The following TMEM132D variants were observed in gnomAD, a reference collection of about 807,000 sequenced individuals.
TMEM132D encodes the protein mature OL transmembrane protein.
TMEM132D carries 21 observed loss-of-function variants against 62.3 expected under a neutral mutation model. The observed-to-expected ratio is 0.34, with a 90% CI of 0.24 to 0.49. The LOEUF (loss-of-function observed/expected upper bound fraction) is 0.49, where lower values mean the gene tolerates loss of function less well. TMEM132D is among the 20% of genes least tolerant of loss of function. The pLI is 0.99. For missense variants in TMEM132D, 1,346 were observed against 1,402.8 expected, an observed-to-expected ratio of 0.96 and a Z score of 0.65; for synonymous variants, 621 against 575.6, an observed-to-expected ratio of 1.08 and a Z score of -1.13.
At chr12:129,165,692 C>CA (rs1877526405) in intron 5 of TMEM132D, among the ~76,000 whole-genome samples, 1 of 35,696 alleles carries the variant, frequency 2.8e-5, no homozygotes, top group South Asian at 7.6e-4. Flanking sequence ...TTTTTTTTTT[C>CA]CCCTACAAAA....
chr12:129,634,686 G>A (rs113603814), intron 2 of TMEM132D, among the ~76,000 whole-genome samples: 4 of 152,134 alleles, frequency 2.6e-5, no homozygotes, highest in African/African-American at 9.6e-5. Context: ...ATGAAACGTT[G>A]GCAGGTCAGA....
chr12:129,813,611 GATATAT>G (rs3046846), intron 1 of TMEM132D, among the ~76,000 whole-genome samples: 7 of 136,682 alleles, frequency 5.1e-5, no homozygotes, highest in East Asian at 5.4e-4. Flanking sequence ...CAGAAAATGT[GATATAT>G]ATATATATAT....
intron 7 of TMEM132D, among the ~76,000 whole-genome samples, chr12:129,080,559 C>CAATCT (rs1375354029): frequency 6.6e-6 from 1 of 152,222 alleles, no homozygotes; most frequent in African/African-American, 2.4e-5. Flanking sequence ...TTCCACGATC[C>CAATCT]AATCTAGTCT....
intron 3 of TMEM132D, among the ~76,000 whole-genome samples, chr12:129,489,344 G>A (rs1352673949): frequency 6.6e-6 from 1 of 152,182 alleles, no homozygotes; most frequent in African/African-American, 2.4e-5. Context: ...AATCTATGGG[G>A]TCTGGGGAAT....
At chr12:129,260,776 C>A (rs998364267) in intron 4 of TMEM132D, among the ~76,000 whole-genome samples, 1 of 151,302 alleles carries the variant, frequency 6.6e-6, no homozygotes, top group African/African-American at 2.4e-5. Flanking sequence ...TTTGGTTTTC[C>A]ATTTCTGAGC....
At chr12:129,086,070 A>G (rs1458345216) in intron 5 of TMEM132D, 3 of 152,218 alleles carry the variant, frequency 2.0e-5, no homozygotes, top group Non-Finnish European at 4.4e-5. Context: ...ACTGGCAAAT[A>G]AGTACTTGGC....
chr12:129,121,069 A>G (rs1188840976), intron 5 of TMEM132D, among the ~76,000 whole-genome samples: 1 of 151,876 alleles, frequency 6.6e-6, no homozygotes, highest in Admixed American at 6.6e-5. Context: ...TTTACTAATC[A>G]GCTGATTTTA....
At chr12:129,854,019 G>A (rs1873632332) in intron 1 of TMEM132D, among the ~76,000 whole-genome samples, 2 of 152,146 alleles carry the variant, frequency 1.3e-5, no homozygotes, top group Non-Finnish European at 2.9e-5. Flanking sequence ...CACCTTGGGG[G>A]GATGGGCCTC....
intron 2 of TMEM132D, among the ~76,000 whole-genome samples, chr12:129,671,397 A>G (rs1245400937): frequency 2.6e-5 from 4 of 152,258 alleles, no homozygotes; most frequent in African/African-American, 7.2e-5. Context: ...AAATGAAGGT[A>G]GATACATTTA....
At chr12:129,679,581 T>G (rs1433612865) in intron 2 of TMEM132D, among the ~76,000 whole-genome samples, 1 of 152,136 alleles carries the variant, frequency 6.6e-6, no homozygotes, top group African/African-American at 2.4e-5. Context: ...TTTGCCTTTT[T>G]GCTTAAATTA....
At chr12:129,451,180 CT>C (rs1321005290) in intron 3 of TMEM132D, among the ~76,000 whole-genome samples, 3 of 152,124 alleles carry the variant, frequency 2.0e-5, no homozygotes, top group Non-Finnish European at 4.4e-5. Flanking sequence ...AATTCATGGG[CT>C]TCCTACAATG....
intron 2 of TMEM132D, among the ~76,000 whole-genome samples, chr12:129,633,160 A>G (rs1457087785): frequency 6.6e-6 from 1 of 152,202 alleles, no homozygotes; most frequent in Non-Finnish European, 1.5e-5. Flanking sequence ...TTCATGTACA[A>G]AGAGACAAAC....
chr12:129,778,899 C>G (rs1032283583), intron 1 of TMEM132D, among the ~76,000 whole-genome samples: 1 of 152,160 alleles, frequency 6.6e-6, no homozygotes, highest in African/African-American at 2.4e-5. Context: ...TGGCAACAGA[C>G]ACTGGGTTTG....
chr12:129,422,664 G>A (rs1872362448), intron 3 of TMEM132D, among the ~76,000 whole-genome samples: 1 of 151,910 alleles, frequency 6.6e-6, no homozygotes. Flanking sequence ...CATATTCTTT[G>A]AGCCATAAAT....
At chr12:129,225,290 C>T (rs1475289735) in intron 4 of TMEM132D, among the ~76,000 whole-genome samples, 4 of 152,226 alleles carry the variant, frequency 2.6e-5, no homozygotes, top group African/African-American at 9.6e-5. Context: ...ACTTTAAGAA[C>T]TCCTCAACCA....
intron 2 of TMEM132D, among the ~76,000 whole-genome samples, chr12:129,635,787 A>C (rs265611): frequency 0.99 from 150,436 of 152,286 alleles, 74,324 homozygotes; most frequent in Middle Eastern, 1. Context: ...CCATGGCCCA[A>C]GACGCAGCCT....
At chr12:129,364,115 A>T (rs548041639) in intron 3 of TMEM132D, among the ~76,000 whole-genome samples, 1 of 152,366 alleles carries the variant, frequency 6.6e-6, no homozygotes, top group East Asian at 1.9e-4. Flanking sequence ...TCCAGATAAG[A>T]TAGCAGAATA....
chr12:129,359,054 A>C (rs1023741403), intron 3 of TMEM132D, among the ~76,000 whole-genome samples: 1 of 152,188 alleles, frequency 6.6e-6, no homozygotes, highest in Non-Finnish European at 1.5e-5. Flanking sequence ...TGGATAAACA[A>C]AATGTAGTAT....
intron 1 of TMEM132D, among the ~76,000 whole-genome samples, chr12:129,824,986 C>T (rs1872624056): frequency 6.6e-6 from 1 of 150,780 alleles, no homozygotes; most frequent in African/African-American, 2.4e-5. Flanking sequence ...TTGCTCACTT[C>T]GTTCCTTTAA....
Sources: gnomAD v4.1 joint callset for allele counts (sites outside exome capture counted in the v4.1 genomes callset) on GRCh38, gnomAD v4.1.1 for gene constraint, MANE v1.5 for transcripts, NCBI Gene and HGNC (gene_info 2026-07-23, HGNC 2026-07-21) for gene names.